PSD3: variants seen among roughly 807,000 people sequenced by gnomAD.
PSD3 encodes pleckstrin and Sec7 domain containing 3.
Under a neutral mutation model 105.5 loss-of-function variants are expected in PSD3, and 49 were observed. That is an observed-to-expected ratio of 0.46 (90% confidence interval 0.37 to 0.59). The LOEUF is 0.59. Among genes scored for constraint, PSD3 ranks in the 20% least tolerant of loss-of-function variants. The pLI, the probability that PSD3 is intolerant of heterozygous loss-of-function variation, is 0.00. For synonymous variants in PSD3, 557 were observed against 457.8 expected, an observed-to-expected ratio of 1.22 and a Z score of -2.77; for missense variants, 1,561 against 1,263.8, an observed-to-expected ratio of 1.24 and a Z score of -3.57.
At position 18,704,095 on chromosome 8, in the gene PSD3, C is replaced by A. The variant is rs192493617; in HGVS notation, c.2173-48410G>T. ...GATGTACCAAAATGCTACTTTCCAA[C>A]TGAAAACAGATACATTTCTTTCCTC... is the stretch of plus-strand genomic sequence containing the variant. On this transcript the variant is annotated intron_variant, in intron 9 of 15. Transcript: ENST00000327040. 1.2e-4 allele frequency among the ~76,000 whole-genome samples: 18 copies of A among 152,328 alleles called. No homozygotes were observed. In the East Asian group the frequency reaches 3.5e-3, roughly 29 times the overall value.
At chr8:18,661,138 G>A (rs1217937226) in intron 9 of PSD3, among the ~76,000 whole-genome samples, 2 of 151,994 alleles carry the variant, frequency 1.3e-5, no homozygotes, top group African/African-American at 2.4e-5. Context: ...GATGGAATTC[G>A]TGTATTTTAG....
chr8:18,808,646 G>T, intron 4 of PSD3: 1 of 1,403,296 alleles, frequency 7.1e-7, no homozygotes, highest in East Asian at 2.3e-5. Context: ...TATGTCCCTA[G>T]ATGGCTTCAT....
rs1799992399 is a variant in PSD3 at position 18,538,984 on chromosome 8, G to A, written c.2929-3026C>T. On this transcript the variant is annotated intron_variant, in intron 15 of 15. Transcript: ENST00000327040. ...GAAGCCTTCGAGGGTTGATGAGTTT[G>A]CAAACGCCGTGCCCCATTTCTGACT... 2.0e-5 allele frequency among the ~76,000 whole-genome samples: 3 copies of A among 152,294 alleles called. No individual in the cohort carries two copies. In the South Asian group the frequency reaches 6.2e-4, roughly 32 times the overall value.
chr8:18,614,168 G>T (rs1341547153), intron 11 of PSD3, among the ~76,000 whole-genome samples: 1 of 152,166 alleles, frequency 6.6e-6, no homozygotes, highest in Non-Finnish European at 1.5e-5. Context: ...GGACGTGTAT[G>T]CTTCCTTCAG....
chr8:18,918,037 T>C (rs147460053), intron 2 of PSD3, among the ~76,000 whole-genome samples: 3 of 152,354 alleles, frequency 2.0e-5, no homozygotes, highest in African/African-American at 7.2e-5. Context: ...ATTTCCAGAC[T>C]GATTTCCTAA....
chr8:18,803,513 T>A (rs1810919442), intron 6 of PSD3, among the ~76,000 whole-genome samples: 1 of 151,586 alleles, frequency 6.6e-6, no homozygotes, highest in Non-Finnish European at 1.5e-5. Context: ...CACAGCAGCA[T>A]TAATCACAAT....
At chr8:18,739,569 T>C (rs1187041701) in intron 9 of PSD3, among the ~76,000 whole-genome samples, 1 of 152,194 alleles carries the variant, frequency 6.6e-6, no homozygotes, top group Non-Finnish European at 1.5e-5. Context: ...TAGCTAAAGA[T>C]AACACATTCA....
At chr8:18,971,360 G>C (rs1278745496) in intron 1 of PSD3, among the ~76,000 whole-genome samples, 1 of 152,182 alleles carries the variant, frequency 6.6e-6, no homozygotes, top group African/African-American at 2.4e-5. Flanking sequence ...CCTCCCCTCA[G>C]TGGACAGTCC....
chr8:18,960,129 G>A lies in PSD3; in HGVS notation c.22-23987C>T, dbSNP rs573537415. Among the ~76,000 whole-genome samples, 7 of 152,254 alleles carry A rather than the reference G, an allele frequency of 4.6e-5. No homozygotes were observed. The South Asian group carries it at 1.2e-3, about 27-fold the overall frequency. On this transcript the variant is annotated intron_variant, in intron 1 of 15. Coordinates refer to ENST00000327040, the MANE Select transcript of PSD3 (RefSeq NM_015310.4). ...TACAATAATGTCTCGTATACTGATA[G>A]CAGTTTCTCTATCAAGAAAAACCGA...
intron 1 of PSD3, among the ~76,000 whole-genome samples, chr8:19,038,044 C>T (rs1390208333): frequency 6.6e-6 from 1 of 151,772 alleles, no homozygotes; most frequent in Non-Finnish European, 1.5e-5. Context: ...TTCTGTTCCT[C>T]TTGGACACCC....
intron 2 of PSD3, among the ~76,000 whole-genome samples, chr8:18,905,044 G>A (rs1019153471): frequency 1.3e-5 from 2 of 152,114 alleles, no homozygotes; most frequent in African/African-American, 4.8e-5. Context: ...TAAATTATAA[G>A]AAAGGTACTA....
chr8:18,728,696 T>G (rs144110840), intron 9 of PSD3, among the ~76,000 whole-genome samples: 167 of 152,282 alleles, frequency 1.1e-3, no homozygotes, highest in African/African-American at 3.9e-3. Context: ...GCTAAAAATG[T>G]GAGTTATGTG....
upstream of PSD3, among the ~76,000 whole-genome samples, chr8:19,017,616 C>T (rs1400193214): frequency 1.3e-5 from 2 of 152,210 alleles, no homozygotes; most frequent in African/African-American, 4.8e-5. Flanking sequence ...TCTGTTTCTA[C>T]AGATTTGCCT....
intron 1 of PSD3, among the ~76,000 whole-genome samples, chr8:18,953,344 A>G (rs528335003): frequency 7.2e-5 from 11 of 152,304 alleles, no homozygotes; most frequent in African/African-American, 2.6e-4. Flanking sequence ...ATGTACATAC[A>G]TATGGTTTAC....
chr8:19,059,746 G>T (rs1429355341), intron 1 of PSD3, among the ~76,000 whole-genome samples: 2 of 152,224 alleles, frequency 1.3e-5, no homozygotes, highest in Non-Finnish European at 2.9e-5. Flanking sequence ...AGATAAAGGA[G>T]ACAGGAAATA....
At chr8:18,723,584 G>GAAA (rs571724457) in intron 9 of PSD3, among the ~76,000 whole-genome samples, 1 of 151,998 alleles carries the variant, frequency 6.6e-6, no homozygotes, top group Non-Finnish European at 1.5e-5. Flanking sequence ...TGAGGTGGGG[G>GAAA]AAAAAAACCC....
intron 4 of PSD3, among the ~76,000 whole-genome samples, chr8:18,834,637 G>T (rs764375852): frequency 1.3e-5 from 2 of 152,152 alleles, no homozygotes; most frequent in African/African-American, 4.8e-5. Flanking sequence ...GACTGGGTAC[G>T]TGAACTGAAA....
rs1585502457 is a variant in PSD3 at position 18,650,549 on chromosome 8, T to A, written c.2216+5093A>T. 1.3e-5 allele frequency among the ~76,000 whole-genome samples: 2 copies of A among 152,334 alleles called. 1 individual carries two copies. The highest frequency in any genetic ancestry group is 1.3e-4 in the Admixed American group (2 of 15,312). On this transcript the variant is annotated intron_variant, in intron 10 of 15. Coordinates refer to ENST00000327040, the MANE Select transcript of PSD3 (RefSeq NM_015310.4). The stretch of plus-strand genomic sequence containing the variant: ...TCAATTTGACTCACTGCACTCTTCA[T>A]TACAGTTTTTGTATTTTTATCTTTG...
At chr8:18,674,106 A>C (rs115304313) in intron 9 of PSD3, among the ~76,000 whole-genome samples, 3,732 of 152,116 alleles carry the variant, frequency 0.025, 133 homozygotes, top group African/African-American at 0.084. Flanking sequence ...TGATCGTGCC[A>C]CTGCAGTCCA....
Sources: gnomAD v4.1 joint callset for allele counts (sites outside exome capture counted in the v4.1 genomes callset) on GRCh38, gnomAD v4.1.1 for gene constraint, MANE v1.5 for transcripts, NCBI Gene and HGNC (gene_info 2026-07-23, HGNC 2026-07-21) for gene names.